Variants in RIN3 observed in about 807,000 individuals in gnomAD.
RIN3 encodes the protein RAB5 interacting protein 3.
Under a neutral mutation model 76.3 loss-of-function variants are expected in RIN3, and 54 were observed. That is an observed-to-expected ratio of 0.71 (90% CI 0.57 to 0.89). RIN3 has a LOEUF of 0.89. Among genes scored for constraint, RIN3 ranks in the 40% least tolerant of loss-of-function variants. RIN3 has a pLI of 0.00. For synonymous variants in RIN3, 576 were observed against 564.0 expected (o/e 1.02, Z -0.30); for missense variants, 1,256 against 1,322.1 (o/e 0.95, Z 0.78).
chr14:92,531,188 A>G (rs2140003915), intron 1 of RIN3, among the ~76,000 whole-genome samples: 1 of 152,338 alleles, frequency 6.6e-6, no homozygotes, highest in East Asian at 1.9e-4. Flanking sequence ...TGGGAAGTCC[A>G]AGATGAAGGC....
intron 1 of RIN3, among the ~76,000 whole-genome samples, chr14:92,543,204 G>T (rs544104580): frequency 5.3e-5 from 8 of 152,104 alleles, no homozygotes; most frequent in East Asian, 1.9e-4. Flanking sequence ...GAAAACAGAA[G>T]ACTCTAGGGC....
rs66654234 is a variant in RIN3 at position 92,536,742 on chromosome 14, GAA to G, written c.45-18990_45-18989del. ...GGTGACAGAGCAAGACTCCGTCTCAGAAAAAAAAAAAAAAAAAAAAGAAACTG... is the reference window on the plus strand; with the variant it reads ...GGTGACAGAGCAAGACTCCGTCTCAGAAAAAAAAAAAAAAAAAAGAAACTG... On this transcript the variant is annotated intron_variant, in intron 1 of 9. Coordinates refer to ENST00000216487, the MANE Select transcript of RIN3 (RefSeq NM_024832.5). Among the ~76,000 whole-genome samples, 1,174 of 128,186 alleles carry G rather than the reference GAA, an allele frequency of 9.2e-3. 22 individuals carry two copies. Among genetic ancestry groups the G allele is most frequent in the African/African-American group, 0.028 (970 of 35,210 alleles). The allele number at this position is 128,186 out of a possible 152,430, so 84.1% of individuals were successfully genotyped here.
intron 2 of RIN3, among the ~76,000 whole-genome samples, chr14:92,563,398 A>C (rs1897831834): frequency 6.6e-6 from 1 of 152,080 alleles, no homozygotes; most frequent in South Asian, 2.1e-4. Flanking sequence ...ACTTCAGTGA[A>C]GCCCCTCTGT....
Position 92,688,506 on chromosome 14 carries a change from G to A in RIN3, c.*254G>A, listed in dbSNP as rs1262866190. ...AGACGGAAAGGGAAACTGAGGCTCA[G>A]GAGAGAGGCGCTCCAGGCCGCTGCA... On this transcript the variant is annotated 3_prime_UTR_variant, in exon 10 of 10. Transcript: ENST00000216487. The A allele has an allele frequency of 5.2e-5, 28 of 533,876 alleles. No individual in the cohort carries two copies. The Admixed American group carries it at 8.4e-4, about 16-fold the overall frequency. 33.1% of individuals were successfully genotyped at this position (533,876 alleles called of 1,614,324 possible).
intron 1 of RIN3, among the ~76,000 whole-genome samples, chr14:92,535,372 C>T (rs1403801093): frequency 5.6e-5 from 8 of 144,032 alleles, no homozygotes; most frequent in Non-Finnish European, 1.0e-4. Flanking sequence ...CTCGCTCTGT[C>T]GCCCAGACTG....
intron 2 of RIN3, among the ~76,000 whole-genome samples, chr14:92,573,600 AG>A (rs1898126673): frequency 1.3e-5 from 2 of 152,226 alleles, no homozygotes; most frequent in Non-Finnish European, 2.9e-5. Context: ...GCAGAAACTC[AG>A]GTAAGATCAA....
At chr14:92,580,622 C>G (rs1343162359) in intron 3 of RIN3, among the ~76,000 whole-genome samples, 2 of 152,268 alleles carry the variant, frequency 1.3e-5, no homozygotes, top group Admixed American at 1.3e-4. Flanking sequence ...GTTTCCCACT[C>G]ACAGGCAAGA....
intron 7 of RIN3, among the ~76,000 whole-genome samples, chr14:92,672,136 C>T (rs112520351): frequency 0.016 from 2,437 of 152,110 alleles, 62 homozygotes; most frequent in African/African-American, 0.056. Flanking sequence ...GGGCGTGCGG[C>T]GGCTTACGCT....
chr14:92,591,853 A>T (rs369655524), intron 3 of RIN3, among the ~76,000 whole-genome samples: 56 of 152,250 alleles, frequency 3.7e-4, no homozygotes, highest in African/African-American at 1.2e-3. Flanking sequence ...GAGAAAGAAA[A>T]TGATAAAGGT....
chr14:92,656,086 G>GTGGAAGGACA lies in RIN3; in HGVS notation c.2026+3017_2026+3026dup. 6.6e-6 allele frequency among the ~76,000 whole-genome samples: 1 copy of GTGGAAGGACA among 152,332 alleles called. No homozygotes were observed. Among genetic ancestry groups the GTGGAAGGACA allele is most frequent in the East Asian group, 1.9e-4 (1 of 5,186 alleles). ...AGGACACAGAAGGGCATGGGAGGAC[G>GTGGAAGGACA]TGGAAGGACATGGAAAACTCCAAGT... On this transcript the variant is annotated intron_variant, in intron 6 of 9. Transcript: ENST00000216487. This position sits in a 1 kb window ranked among gnomAD's most constrained non-coding sequence, Gnocchi z 5.2.
At chr14:92,674,556 A>G (rs987982739) in intron 7 of RIN3, among the ~76,000 whole-genome samples, 7 of 151,782 alleles carry the variant, frequency 4.6e-5, no homozygotes, top group African/African-American at 1.7e-4. Flanking sequence ...GTGAGCTGAG[A>G]TTAAACCACC....
Position 92,548,855 on chromosome 14 carries a change from G to A in RIN3, c.45-6896G>A, listed in dbSNP as rs192797974. ...GGTTAGGATTTGCACATATCTTCTC[G>A]GGGGACACAATTCAACCTCTGAGGT... On this transcript the variant is annotated intron_variant, in intron 1 of 9. Transcript: ENST00000216487. 2.0e-4 allele frequency among the ~76,000 whole-genome samples: 31 copies of A among 152,088 alleles called. No homozygotes were observed. The South Asian group carries it at 2.1e-3, about 10-fold the overall frequency.
chr14:92,653,717 C>T (rs937444733), intron 6 of RIN3, among the ~76,000 whole-genome samples: 8 of 152,292 alleles, frequency 5.3e-5, no homozygotes, highest in African/African-American at 1.9e-4. Context: ...CACACGCCTA[C>T]GTATATTAAA....
intron 1 of RIN3, among the ~76,000 whole-genome samples, chr14:92,547,658 A>C (rs968586411): frequency 1.1e-4 from 17 of 151,752 alleles, no homozygotes; most frequent in African/African-American, 4.1e-4. Context: ...AGCCTCTCAA[A>C]GTGCTGAGAT....
Position 92,651,693 on chromosome 14 carries a change from A to ACG in RIN3, c.644_645insCG (p.Asp216ValfsTer13). 1 of 1,613,484 alleles carries ACG rather than the reference A, an allele frequency of 6.2e-7. No individual in the cohort carries two copies. The highest frequency in any genetic ancestry group is 8.5e-7 in the Non-Finnish European group (1 of 1,179,760). ...GTCTCCAGCCTCAGGCCCACAGCCCATGACGCAAACTGTGCCTGTGAAATC... is the reference window on the plus strand; with the variant it reads ...GTCTCCAGCCTCAGGCCCACAGCCCACGTGACGCAAACTGTGCCTGTGAAATC... On this transcript the variant is annotated frameshift_variant, in exon 6 of 10. Coordinates refer to ENST00000216487, the MANE Select transcript of RIN3 (RefSeq NM_024832.5). LOFTEE classifies it high-confidence loss of function.
Position 92,623,603 on chromosome 14 carries a change from C to T in RIN3, c.440+8124C>T, listed in dbSNP as rs563045285. ...TTGAGGGGCCTCTCTTGTTTTACGGCGTTGTGGTTTCTTTTTTTCTGGTTG... is the reference window on the plus strand; with the variant it reads ...TTGAGGGGCCTCTCTTGTTTTACGGTGTTGTGGTTTCTTTTTTTCTGGTTG... On this transcript the variant is annotated intron_variant, in intron 4 of 9. Transcript: ENST00000216487. The surrounding 1 kb of genome is among the most constrained non-coding windows in gnomAD (Gnocchi z 4.9). Among the ~76,000 whole-genome samples, 37 of 152,058 alleles carry T rather than the reference C, an allele frequency of 2.4e-4. No individual in the cohort carries two copies. The highest frequency in any genetic ancestry group is 4.7e-4 in the Non-Finnish European group (32 of 68,024).
At chr14:92,682,713 G>A (rs1341200778) in intron 8 of RIN3, among the ~76,000 whole-genome samples, 1 of 152,196 alleles carries the variant, frequency 6.6e-6, no homozygotes, top group East Asian at 1.9e-4. Flanking sequence ...TATCTAAGGG[G>A]CCACAGCAGA....
chr14:92,562,945 G>T (rs774900920), intron 2 of RIN3, among the ~76,000 whole-genome samples: 2 of 152,138 alleles, frequency 1.3e-5, no homozygotes, highest in Non-Finnish European at 2.9e-5. Flanking sequence ...GAGGTGAAAG[G>T]TTGGGTCAAA....
chr14:92,617,160 C>T (rs562111872), intron 4 of RIN3, among the ~76,000 whole-genome samples: 5 of 152,074 alleles, frequency 3.3e-5, no homozygotes, highest in South Asian at 2.1e-4. Flanking sequence ...ATTAGCTGGG[C>T]GTAGTGGCGG....
Sources: allele counts gnomAD v4.1 joint callset (sites outside exome capture counted in the v4.1 genomes callset), GRCh38; gene constraint gnomAD v4.1.1; non-coding constraint Gnocchi (gnomAD v3.1); transcripts MANE v1.5; gene names NCBI Gene and HGNC (gene_info 2026-07-23, HGNC 2026-07-21).